The following ACO2 variants were observed in gnomAD, a reference collection of about 807,000 sequenced individuals.
ACO2 encodes the protein aconitate hydratase, mitochondrial.
In ACO2, 31 loss-of-function variants were observed where a neutral mutation model predicts 84.5. That is an observed-to-expected ratio of 0.37 (90% confidence interval 0.28 to 0.50). ACO2 has a LOEUF of 0.50. ACO2 is among the 20% of genes least tolerant of loss of function. The pLI is 0.97. For missense variants in ACO2, 685 were observed against 1,029.3 expected, an observed-to-expected ratio of 0.67 and a Z score of 4.58; for synonymous variants, 414 against 412.7, an observed-to-expected ratio of 1.00 and a Z score of -0.04.
At chr22:41,497,354 C>A (rs1218863909) in intron 1 of ACO2, among the ~76,000 whole-genome samples, 1 of 151,752 alleles carries the variant, frequency 6.6e-6, no homozygotes, top group Non-Finnish European at 1.5e-5. Flanking sequence ...CAGGTGTGAA[C>A]CACTGCACCC....
In ACO2 at chr22:41,526,370, A is replaced by G. The variant is rs751080980; in HGVS notation, c.1870A>G (p.Ile624Val). 1.6e-5 allele frequency: 26 copies of G among 1,613,712 alleles called. No homozygotes were observed. The highest frequency in any genetic ancestry group is 2.1e-5 in the Non-Finnish European group (25 of 1,180,038). Residue 624 changes from isoleucine to valine, a missense_variant, in exon 15 of 18, where the codon ATT becomes GTT. Coordinates refer to ENST00000216254, the MANE Select transcript of ACO2 (RefSeq NM_001098.3). ...CAACCTGCTCATTGGTGCCATCAAC[A>G]TTGAAAACGGCAAGGCCAACTCCGT... is the stretch of plus-strand genomic sequence containing the variant. ...SNNLLIGAIN[I>V]ENGKANSVRN...
At chr22:41,525,172 C>T (rs772856764) in intron 13 of ACO2, 21 bp from the exon 14 acceptor site, 21 of 1,611,754 alleles carry the variant, frequency 1.3e-5, no homozygotes, top group Admixed American at 1.0e-4. Flanking sequence ...GCACCCCACG[C>T]ATCCCCATTC....
chr22:41,497,781 G>C (rs920679990), intron 1 of ACO2, among the ~76,000 whole-genome samples: 2 of 152,108 alleles, frequency 1.3e-5, no homozygotes, highest in Non-Finnish European at 2.9e-5. Context: ...TACTTGGGAG[G>C]CTGAGACAGG....
At chr22:41,479,248 G>A (rs1169289768) in intron 1 of ACO2, among the ~76,000 whole-genome samples, 1 of 152,158 alleles carries the variant, frequency 6.6e-6, no homozygotes, top group Non-Finnish European at 1.5e-5. Flanking sequence ...CACAGACAAT[G>A]ACAGATGCCC....
rs1194607590 is a variant in ACO2, at chr22:41,517,565, G to A, written c.874G>A (p.Ala292Thr). 1 of 1,614,070 alleles carries A rather than the reference G, an allele frequency of 6.2e-7. No homozygotes were observed. The highest frequency in any genetic ancestry group is 8.5e-7 in the Non-Finnish European group (1 of 1,180,028). Residue 292 changes from alanine to threonine, a missense_variant, in exon 7 of 18, where the codon GCC becomes ACC. This residue lies in a region of ACO2 where 311 missense variants were observed against 441.6 expected (regional missense o/e 0.70). Coordinates refer to ENST00000216254, the MANE Select transcript of ACO2 (RefSeq NM_001098.3). ...CTGCAACATGGGTGCAGAAATTGGG[G>A]CCACCACTTCCGTGTTCCCTTACAA... is the stretch of plus-strand genomic sequence containing the variant. ...TICNMGAEIGATTSVFPYNHR... is the reference protein window; with the variant it reads ...TICNMGAEIGTTTSVFPYNHR...
Position 41,523,005 on chromosome 22 carries a change from C to G in ACO2, c.1296+18C>G, listed in dbSNP as rs200176862. ...ACGGCTATGTGAGTGCCCATATCCCCCTGCCCATCTCCCCCACCCCATGCT... is the reference window on the plus strand; with the variant it reads ...ACGGCTATGTGAGTGCCCATATCCCGCTGCCCATCTCCCCCACCCCATGCT... On this transcript the variant is annotated intron_variant, in intron 10 of 17. Coordinates refer to ENST00000216254, the MANE Select transcript of ACO2 (RefSeq NM_001098.3). 2.5e-6 allele frequency: 4 copies of G among 1,613,226 alleles called. No individual in the cohort carries two copies. Among genetic ancestry groups the G allele is most frequent in the Non-Finnish European group, 3.4e-6 (4 of 1,179,474 alleles).
chr22:41,491,194 C>T (rs1170715206), intron 1 of ACO2, among the ~76,000 whole-genome samples: 4 of 151,944 alleles, frequency 2.6e-5, no homozygotes, highest in Non-Finnish European at 4.4e-5. Flanking sequence ...AGACCTGTGG[C>T]AGGTCCCTTT....
Position 41,528,761 on chromosome 22 carries a change from G to A in ACO2, c.*148G>A, listed in dbSNP as rs2066659540. 1.7e-6 allele frequency: 2 copies of A among 1,154,658 alleles called. No homozygotes were observed. Among genetic ancestry groups the A allele is most frequent in the Admixed American group, 3.0e-5 (1 of 33,688 alleles). The allele number at this position is 1,154,658 out of a possible 1,614,324, so 71.5% of individuals were successfully genotyped here. On this transcript the variant is annotated 3_prime_UTR_variant, in exon 18 of 18. Transcript: ENST00000216254. ...TCCCCGCTTAGCCCACGGAGTGACTGTGGTTGTGGTGGGGGGGTTCTTAAA... is the reference window on the plus strand; with the variant it reads ...TCCCCGCTTAGCCCACGGAGTGACTATGGTTGTGGTGGGGGGGTTCTTAAA...
At chr22:41,483,333 G>T (rs187088537) in intron 1 of ACO2, among the ~76,000 whole-genome samples, 1 of 152,312 alleles carries the variant, frequency 6.6e-6, no homozygotes, top group East Asian at 1.9e-4. Context: ...TTGGAATCAG[G>T]AAATAAAAAC....
Position 41,499,819 on chromosome 22 carries a change from C to G in ACO2, c.130C>G (p.His44Asp). 2 of 1,614,180 alleles carry G rather than the reference C, an allele frequency of 1.2e-6. No homozygotes were observed. The highest frequency in any genetic ancestry group is 1.7e-6 in the Non-Finnish European group (2 of 1,180,032). Residue 44 changes from histidine (H) to aspartate (D), a missense_variant, in exon 2 of 18, where the codon CAT (histidine) becomes GAT (aspartate). By Grantham distance (81) the His-to-Asp change is moderately conservative (BLOSUM62 -1). Around this residue, in one of 5 missense-constraint regions of ACO2, gnomAD observed 98 missense variants for 107.6 expected, o/e 0.91. Coordinates refer to ENST00000216254, the MANE Select transcript of ACO2 (RefSeq NM_001098.3). Reference sequence around the variant, plus strand: ...CCACTTTGAGCCCAACGAGTACATCCATTATGACCTGCTAGAGAAGAACAT... The same window carrying G: ...CCACTTTGAGCCCAACGAGTACATCGATTATGACCTGCTAGAGAAGAACAT... ...MSHFEPNEYIHYDLLEKNINI... is the reference protein window; with the variant it reads ...MSHFEPNEYIDYDLLEKNINI...
In ACO2 at chr22:41,525,318, G is replaced by A. The variant is rs2146140183; in HGVS notation, c.1731G>A (p.Lys577=). ...LLEPFDKWDG[K]DLEDLQILIK... ...AGCCTTTTGACAAGTGGGATGGCAA[G>A]GACCTGGAGGACCTGCAGATCCTCA... Residue 577 remains lysine, a synonymous_variant, in exon 14 of 18, where the codon AAG becomes AAA. Transcript: ENST00000216254. 1 of 1,614,050 alleles carries A rather than the reference G, an allele frequency of 6.2e-7. No individual in the cohort carries two copies. Among genetic ancestry groups the A allele is most frequent in the Non-Finnish European group, 8.5e-7 (1 of 1,180,012 alleles).
At chr22:41,517,670 C>CA (rs2066486357) in intron 7 of ACO2, 39 bp downstream of exon 7, 7 of 1,537,094 alleles carry the variant, frequency 4.6e-6, no homozygotes, top group Non-Finnish European at 6.3e-6. Context: ...GTGGAACAGT[C>CA]ACATGCCCGC....
chr22:41,508,967 TCTCA>T (rs1388489978), intron 3 of ACO2, among the ~76,000 whole-genome samples: 5 of 152,098 alleles, frequency 3.3e-5, no homozygotes, highest in Non-Finnish European at 7.4e-5. Context: ...GGGGCGGCGC[TCTCA>T]CTCAGACCCT....
chr22:41,469,698 G>C (rs942883227), intron 1 of ACO2, among the ~76,000 whole-genome samples: 1 of 152,180 alleles, frequency 6.6e-6, no homozygotes. Flanking sequence ...ATGTCGGGGA[G>C]GGGGGCGGTC....
intron 14 of ACO2, 134 bp downstream of exon 14, chr22:41,525,482 C>A: frequency 8.6e-7 from 1 of 1,161,844 alleles, no homozygotes; most frequent in Non-Finnish European, 1.2e-6. Flanking sequence ...GGAGGTTTGG[C>A]TGCAGAGCAG....
chr22:41,523,125 C>A (rs769212302), intron 10 of ACO2, 80 bp from the exon 11 acceptor site: 3 of 1,531,972 alleles, frequency 2.0e-6, no homozygotes, highest in African/African-American at 2.7e-5. Flanking sequence ...TACAGCACTT[C>A]GTCCTGCAGC....
intron 8 of ACO2, among the ~76,000 whole-genome samples, chr22:41,519,091 G>A (rs557588614): frequency 6.6e-6 from 1 of 152,332 alleles, no homozygotes; most frequent in South Asian, 2.1e-4. Context: ...TCTGGCTGCT[G>A]AACCAGAAGT....
chr22:41,510,714 T>C (rs937940204), intron 3 of ACO2, among the ~76,000 whole-genome samples: 3 of 152,204 alleles, frequency 2.0e-5, no homozygotes, highest in Non-Finnish European at 2.9e-5. Context: ...GGACCTCCCA[T>C]GTCTTCCAGA....
intron 9 of ACO2, 92 bp from the exon 10 acceptor site, chr22:41,522,738 T>G: frequency 6.8e-7 from 1 of 1,462,046 alleles, no homozygotes; most frequent in Non-Finnish European, 9.3e-7. Flanking sequence ...TGGTGAACTC[T>G]TTTGGCCAAG....
Sources: gnomAD v4.1 joint callset for allele counts (sites outside exome capture counted in the v4.1 genomes callset) on GRCh38, gnomAD v4.1.1 for gene constraint, gnomAD v4.1.1 regional missense constraint, MANE v1.5 for transcripts, NCBI Gene and HGNC (gene_info 2026-07-23, HGNC 2026-07-21) for gene names.